Variants in RFX2 observed in about 807,000 individuals in gnomAD.
RFX2 encodes the protein DNA-binding protein RFX2.
A neutral mutation model predicts 87.8 loss-of-function variants in RFX2; 20 were observed. The ratio of observed to expected loss-of-function variants is 0.23; its 90% CI spans 0.16 to 0.33. The LOEUF (loss-of-function observed/expected upper bound fraction) is 0.33, where lower values mean the gene tolerates loss of function less well. Ranked by LOEUF, RFX2 falls within the 10% of genes least tolerant of loss-of-function variation. The pLI, the probability that RFX2 is intolerant of heterozygous loss-of-function variation, is 1.00. For missense variants in RFX2, 767 were observed against 1,012.3 expected (o/e 0.76, Z 3.29); for synonymous variants, 397 against 431.3 (o/e 0.92, Z 0.98).
rs772426061 is a variant in RFX2 at position 6,040,039 on chromosome 19, C to G, written c.463G>C (p.Gly155Arg). Residue 155 changes from glycine (G) to arginine (R), a missense_variant, in exon 5 of 18, where the codon GGG (glycine) becomes CGG (arginine). This residue lies in a region of RFX2 where 621 missense variants were observed against 873.0 expected (regional missense o/e 0.71). Transcript: ENST00000303657. This position sits in a 1 kb window ranked among gnomAD's most constrained non-coding sequence, Gnocchi z 6.1. ...VSSAGAYLIH[G>R]GMDSTRHSLA... is the part of the protein sequence containing the mutation. ...GAGTGTCTGGTGCTGTCCATCCCCCCGTGGATGAGATAGGCTCCCGCGCTG... is the reference window on the plus strand; with the variant it reads ...GAGTGTCTGGTGCTGTCCATCCCCCGGTGGATGAGATAGGCTCCCGCGCTG... 1.9e-6 allele frequency: 3 copies of G among 1,609,856 alleles called. No individual in the cohort carries two copies. The African/African-American group carries it at 4.0e-5, about 21-fold the overall frequency.
Position 6,016,239 on chromosome 19 carries a change from C to T in RFX2, c.630G>A (p.Ala210=), listed in dbSNP as rs1260374329. 6.8e-6 allele frequency: 11 copies of T among 1,610,274 alleles called. No individual in the cohort carries two copies. The Admixed American group carries it at 1.0e-4, about 15-fold the overall frequency. ...AACTTCTGGGGAGACTCACACCTTC[C>T]GCTGTTTCATAATTATCCAACAGCC... The part of the protein sequence containing the change: ...LQWLLDNYET[A]EGVSLPRSSL... The change falls in exon 7 of 18, where the codon GCG becomes GCA. Residue 210 remains alanine (A), a synonymous_variant. Transcript: ENST00000303657. The surrounding 1 kb of genome is among the most constrained non-coding windows in gnomAD (Gnocchi z 5.4).
chr19:6,062,720 C>T (rs938156517), intron 1 of RFX2, among the ~76,000 whole-genome samples: 2 of 152,184 alleles, frequency 1.3e-5, no homozygotes, highest in Non-Finnish European at 1.5e-5. Context: ...TGTATGAGCT[C>T]GAACTGGACT....
Position 6,074,262 on chromosome 19 carries a change from C to T in RFX2, c.-8-26758G>A, listed in dbSNP as rs1480108715. On this transcript the variant is annotated intron_variant, in intron 1 of 17. Coordinates refer to ENST00000303657, the MANE Select transcript of RFX2 (RefSeq NM_000635.4). This position sits in a 1 kb window ranked among gnomAD's most constrained non-coding sequence, Gnocchi z 5.2. ...GCAGGAGTTCAGGTGGAACATCAGGCGGGGTACAGATGCCACAGTGTGGAG... is the reference window on the plus strand; with the variant it reads ...GCAGGAGTTCAGGTGGAACATCAGGTGGGGTACAGATGCCACAGTGTGGAG... 2.6e-5 allele frequency among the ~76,000 whole-genome samples: 4 copies of T among 152,112 alleles called. No individual in the cohort carries two copies. The highest frequency in any genetic ancestry group is 5.9e-5 in the Non-Finnish European group (4 of 68,014).
At chr19:6,099,652 G>A (rs1160425175) in intron 1 of RFX2, among the ~76,000 whole-genome samples, 1 of 152,134 alleles carries the variant, frequency 6.6e-6, no homozygotes, top group African/African-American at 2.4e-5. Flanking sequence ...TGTGGGAACT[G>A]TGGCAGGGGT....
At chr19:6,072,651 G>A (rs142428242) in intron 1 of RFX2, among the ~76,000 whole-genome samples, 3 of 152,164 alleles carry the variant, frequency 2.0e-5, no homozygotes, top group Non-Finnish European at 4.4e-5. Context: ...GATGCAGTGA[G>A]CAATGATTAT....
At position 5,999,204 on chromosome 19, in the gene RFX2, C is replaced by T. The variant is rs893200228; in HGVS notation, c.1860-1991G>A. On this transcript the variant is annotated intron_variant, in intron 15 of 17. Coordinates refer to ENST00000303657, the MANE Select transcript of RFX2 (RefSeq NM_000635.4). This position sits in a 1 kb window ranked among gnomAD's most constrained non-coding sequence, Gnocchi z 4.1. Reference sequence around the variant, plus strand: ...CCGGGAAGGGGAGGTTGCAGTGAGCCGAGATCGCACCATTGCACTCCAGCC... The same window carrying T: ...CCGGGAAGGGGAGGTTGCAGTGAGCTGAGATCGCACCATTGCACTCCAGCC... Among the ~76,000 whole-genome samples the T allele has an allele frequency of 6.6e-6, 1 of 152,098 alleles. No homozygotes were observed. The highest frequency in any genetic ancestry group is 2.4e-5 in the African/African-American group (1 of 41,388).
chr19:6,074,466 C>G lies in RFX2; in HGVS notation c.-8-26962G>C, dbSNP rs2087658175. On this transcript the variant is annotated intron_variant, in intron 1 of 17. Coordinates refer to ENST00000303657, the MANE Select transcript of RFX2 (RefSeq NM_000635.4). The surrounding 1 kb of genome is among the most constrained non-coding windows in gnomAD (Gnocchi z 5.2). The stretch of plus-strand genomic sequence containing the variant: ...GCTTGAAGGGTGCCCATAACACACT[C>G]CCTCAGAGCCTGGACACTCAGCCAT... Among the ~76,000 whole-genome samples the G allele has an allele frequency of 6.6e-6, 1 of 152,194 alleles. No homozygotes were observed. The highest frequency in any genetic ancestry group is 2.4e-5 in the African/African-American group (1 of 41,452).
intron 7 of RFX2, among the ~76,000 whole-genome samples, chr19:6,015,606 AG>A (rs1453237438): frequency 5.3e-5 from 8 of 151,882 alleles, no homozygotes; most frequent in Non-Finnish European, 8.8e-5. Context: ...CTCCCCTCTC[AG>A]TCTCCCAAAT....
At chr19:6,107,616 CAAAAAAAAAAA>C (rs1156483792) in intron 1 of RFX2, among the ~76,000 whole-genome samples, 108 of 31,554 alleles carry the variant, frequency 3.4e-3, no homozygotes, top group African/African-American at 0.012. Flanking sequence ...GACCCTGTCT[CAAAAAAAAAAA>C]AAAAAAAAAA....
rs1316958762 is a variant in RFX2, at chr19:6,065,751, C to T, written c.-8-18247G>A. 5.3e-5 allele frequency among the ~76,000 whole-genome samples: 8 copies of T among 152,196 alleles called. No individual in the cohort carries two copies. The East Asian group carries it at 1.4e-3, about 26-fold the overall frequency. On this transcript the variant is annotated intron_variant, in intron 1 of 17. Transcript: ENST00000303657. ...CGTGCAATGAACATTTTCTTGGGGG[C>T]ATTCAGCAACAAAGTGAATCGTCCT...
At chr19:5,994,976 G>C (rs1311265461) in intron 17 of RFX2, 26 bp from the exon 18 acceptor site, 1 of 1,560,732 alleles carries the variant, frequency 6.4e-7, no homozygotes, top group Admixed American at 1.7e-5. Flanking sequence ...TAGGGTCAGT[G>C]TCCATCATCA....
At chr19:6,070,219 G>GT (rs112120015) in intron 1 of RFX2, among the ~76,000 whole-genome samples, 284 of 424 alleles carry the variant, frequency 0.67, 80 homozygotes, top group East Asian at 0.85. Context: ...GGGATGGGAT[G>GT]GGATGGGATG....
chr19:5,996,420 G>T (rs991775265), intron 16 of RFX2, among the ~76,000 whole-genome samples: 18 of 152,254 alleles, frequency 1.2e-4, no homozygotes, highest in African/African-American at 4.3e-4. Flanking sequence ...GCCGCAGCGC[G>T]GATGTCATGT....
At chr19:6,102,599 T>C (rs1362662214) in intron 1 of RFX2, among the ~76,000 whole-genome samples, 2 of 152,226 alleles carry the variant, frequency 1.3e-5, no homozygotes, top group Non-Finnish European at 2.9e-5. Flanking sequence ...TGCCTCTCCT[T>C]GCTTTGCTCG....
intron 1 of RFX2, among the ~76,000 whole-genome samples, chr19:6,088,173 AAAG>A (rs1446760948): frequency 5.9e-5 from 9 of 151,430 alleles, no homozygotes; most frequent in Middle Eastern, 3.5e-3. Flanking sequence ...CCTGAAAGAC[AAAG>A]AAGAATGCCA....
intron 1 of RFX2, among the ~76,000 whole-genome samples, chr19:6,071,619 A>G (rs772434592): frequency 1.1e-4 from 16 of 152,348 alleles, no homozygotes; most frequent in South Asian, 6.2e-4. Context: ...TGTCCCCATG[A>G]AAGTTTCAAC....
At chr19:6,069,963 A>T (rs1490082521) in intron 1 of RFX2, among the ~76,000 whole-genome samples, 4 of 147,590 alleles carry the variant, frequency 2.7e-5, no homozygotes, top group Non-Finnish European at 3.0e-5. Flanking sequence ...AAGAAGGGAG[A>T]CTTGCAAGTG....
chr19:6,009,194 C>T (rs938134324), intron 9 of RFX2, among the ~76,000 whole-genome samples: 1 of 152,138 alleles, frequency 6.6e-6, no homozygotes, highest in African/African-American at 2.4e-5. Context: ...TGGGCCTGAC[C>T]CCACCTCAAT....
At chr19:6,060,823 G>A (rs989932097) in intron 1 of RFX2, among the ~76,000 whole-genome samples, 2 of 151,514 alleles carry the variant, frequency 1.3e-5, no homozygotes, top group African/African-American at 2.4e-5. Flanking sequence ...TCCCACCCTC[G>A]GCCTCCACCC....
Sources: gnomAD v4.1 joint callset for allele counts (sites outside exome capture counted in the v4.1 genomes callset) on GRCh38, gnomAD v4.1.1 for gene constraint, gnomAD v4.1.1 regional missense constraint, Gnocchi (gnomAD v3.1) non-coding constraint, MANE v1.5 for transcripts, NCBI Gene and HGNC (gene_info 2026-07-23, HGNC 2026-07-21) for gene names.